Variants in TICAM1 observed in about 807,000 individuals in gnomAD.
The protein encoded by TICAM1 is TIR domain-containing adapter molecule 1.
For synonymous variants in TICAM1, 439 were observed against 415.4 expected (o/e 1.06, Z -0.69); for missense variants, 895 against 938.2 (o/e 0.95, Z 0.60).
In TICAM1 at chr19:4,816,731, C is replaced by T. The variant is rs1450809653; in HGVS notation, c.1647G>A (p.Leu549=). Residue 549 remains leucine, a synonymous_variant, in exon 2 of 2, where the codon CTG becomes CTA. Transcript: ENST00000248244. The surrounding 1 kb of genome is among the most constrained non-coding windows in gnomAD (Gnocchi z 4.3). ...CGTCCAGGTGTTGGCTCTGTTCCCG[C>T]AGGGCTCGGGTGTCCTGTTCCTTCC... The part of the protein sequence containing the change: ...MWRKEQDTRA[L]REQSQHLDGE... The T allele has an allele frequency of 1.9e-6, 3 of 1,613,984 alleles. No individual in the cohort carries two copies. Among genetic ancestry groups the T allele is most frequent in the Non-Finnish European group, 2.5e-6 (3 of 1,180,020 alleles).
chr19:4,819,189 G>A (rs191933452), intron 1 of TICAM1, among the ~76,000 whole-genome samples: 25 of 151,480 alleles, frequency 1.7e-4, no homozygotes, highest in African/African-American at 5.1e-4. Context: ...TGGGAAGATC[G>A]CTTAAGCCCA....
Position 4,826,202 on chromosome 19 carries a change from C to T in TICAM1, c.-140+5412G>A, listed in dbSNP as rs143731752. On this transcript the variant is annotated intron_variant, in intron 1 of 1. Transcript: ENST00000248244. ...AAAAAGGTATGGAAGATGCCTCATTCGTAATGGAACATTATATTGGACCAT... is the reference window on the plus strand; with the variant it reads ...AAAAAGGTATGGAAGATGCCTCATTTGTAATGGAACATTATATTGGACCAT... 3.8e-3 allele frequency among the ~76,000 whole-genome samples: 577 copies of T among 151,198 alleles called. 4 individuals are homozygous for T. The highest frequency in any genetic ancestry group is 5.3e-3 in the Non-Finnish European group (362 of 67,862).
rs150224968 is a variant in TICAM1, at chr19:4,816,586, C to A, written c.1792G>T (p.Gly598Trp). 775 of 1,613,604 alleles carry A rather than the reference C, an allele frequency of 4.8e-4. 1 individual carries two copies. Among genetic ancestry groups the A allele is most frequent in the South Asian group, 1.1e-3 (98 of 91,072 alleles). Residue 598 changes from glycine (G) to tryptophan (W), a missense_variant, in exon 2 of 2, where the codon GGG (glycine) becomes TGG (tryptophan). Gly to Trp is a radical substitution (Grantham distance 184, BLOSUM62 -2). Transcript: ENST00000248244. The surrounding 1 kb of genome is among the most constrained non-coding windows in gnomAD (Gnocchi z 4.3). ...CGAGCCCCATAGGGCGCCCCAGTCC[C>A]AAATGACATGTGGCTCCCAAAAGCC... ...QVAFGSHMSF[G>W]TGAPYGARMP...
Position 4,818,275 on chromosome 19 carries a change from G to C in TICAM1, c.103C>G (p.Pro35Ala). The change falls in exon 2 of 2, where the codon CCA becomes GCA. Residue 35 changes from proline (P) to alanine (A), a missense_variant. By Grantham distance (27) the Pro-to-Ala change is conservative. Coordinates refer to ENST00000248244, the MANE Select transcript of TICAM1 (RefSeq NM_182919.4). The surrounding 1 kb of genome is among the most constrained non-coding windows in gnomAD (Gnocchi z 4.0). ...YLKHKLKTPR[P>A]GCQGQDLLHA... ...AGGAGGTCCTGCCCCTGGCAGCCTG[G>C]GCGTGGGGTCTTCAGTTTGTGCTTC... The C allele has an allele frequency of 6.2e-7, 1 of 1,612,998 alleles. No homozygotes were observed. The highest frequency in any genetic ancestry group is 8.5e-7 in the Non-Finnish European group (1 of 1,180,012).
chr19:4,828,557 G>A (rs370723291), intron 1 of TICAM1, among the ~76,000 whole-genome samples: 256 of 147,922 alleles, frequency 1.7e-3, no homozygotes, highest in African/African-American at 6.1e-3. Flanking sequence ...TTTTTGAGAC[G>A]GAGTCCCACT....
In TICAM1 at chr19:4,816,604, C is replaced by T. The variant is rs74359855; in HGVS notation, c.1774G>A (p.Gly592Arg). 662 of 1,613,866 alleles carry T rather than the reference C, an allele frequency of 4.1e-4. 3 individuals carry two copies. Among genetic ancestry groups the T allele is most frequent in the South Asian group, 1.7e-3 (159 of 91,078 alleles). ...AQMEQLQVAFGSHMSFGTGAP... is the reference protein window; with the variant it reads ...AQMEQLQVAFRSHMSFGTGAP... ...CCAGTCCCAAATGACATGTGGCTCC[C>T]AAAAGCCACCTGGAGCTGCTCCATC... The change falls in exon 2 of 2, where the codon GGG (glycine) becomes AGG (arginine). Residue 592 changes from glycine to arginine, a missense_variant. Transcript: ENST00000248244. The surrounding 1 kb of genome is among the most constrained non-coding windows in gnomAD (Gnocchi z 4.3).
Position 4,817,560 on chromosome 19 carries a change from G to A in TICAM1, c.818C>T (p.Pro273Leu). The A allele has an allele frequency of 6.2e-7, 1 of 1,612,878 alleles. No individual in the cohort carries two copies. The highest frequency in any genetic ancestry group is 8.5e-7 in the Non-Finnish European group (1 of 1,179,642). Reference sequence around the variant, plus strand: ...ATCTGGGGCCACTTCGGGAAGCCCAGGAGGTGGGCTGCTTGGCAGCTCTGG... The same window carrying A: ...ATCTGGGGCCACTTCGGGAAGCCCAAGAGGTGGGCTGCTTGGCAGCTCTGG... Reference protein sequence around the residue: ...SPPELPSSPPPGLPEVAPDAT... With the variant: ...SPPELPSSPPLGLPEVAPDAT... The change falls in exon 2 of 2, where the codon CCT becomes CTT. Residue 273 changes from proline to leucine, a missense_variant. Transcript: ENST00000248244. The surrounding 1 kb of genome is among the most constrained non-coding windows in gnomAD (Gnocchi z 4.7).
At chr19:4,825,903 A>G (rs1325764276) in intron 1 of TICAM1, among the ~76,000 whole-genome samples, 1 of 151,984 alleles carries the variant, frequency 6.6e-6, no homozygotes, top group African/African-American at 2.4e-5. Flanking sequence ...AGGTTGCAGT[A>G]AGCCAAGATC....
At position 4,818,129 on chromosome 19, in the gene TICAM1, G is replaced by C. The variant is rs372415026; in HGVS notation, c.249C>G (p.Thr83=). Residue 83 remains threonine (T), a synonymous_variant, in exon 2 of 2, where the codon ACC becomes ACG. Coordinates refer to ENST00000248244, the MANE Select transcript of TICAM1 (RefSeq NM_182919.4). The surrounding 1 kb of genome is among the most constrained non-coding windows in gnomAD (Gnocchi z 4.0). ...VARQWAGVDS[T]EDPEEPPDVS... is the part of the protein sequence containing the mutation. Reference sequence around the variant, plus strand: ...CATCTGGGGGCTCCTCTGGGTCCTCGGTGCTGTCCACGCCAGCCCACTGGC... The same window carrying C: ...CATCTGGGGGCTCCTCTGGGTCCTCCGTGCTGTCCACGCCAGCCCACTGGC... The C allele has an allele frequency of 1.9e-6, 3 of 1,608,928 alleles. No homozygotes were observed. Among genetic ancestry groups the C allele is most frequent in the Non-Finnish European group, 2.5e-6 (3 of 1,179,704 alleles).
In TICAM1 at chr19:4,817,451, T is replaced by C. The variant is rs1555730261; in HGVS notation, c.927A>G (p.Ala309=). The C allele has an allele frequency of 1.9e-6, 3 of 1,614,064 alleles. No individual in the cohort carries two copies. The highest frequency in any genetic ancestry group is 2.5e-6 in the Non-Finnish European group (3 of 1,180,012). ...TAGGCAAGGGGAGAGACTGGGGGCC[T>C]GCAGACCCCTCGGTGCACTCCACTG... is the stretch of plus-strand genomic sequence containing the variant. The part of the protein sequence containing the change: ...NYPVECTEGS[A]GPQSLPLPIL... Residue 309 remains alanine (A), a synonymous_variant, in exon 2 of 2, where the codon GCA becomes GCG. Coordinates refer to ENST00000248244, the MANE Select transcript of TICAM1 (RefSeq NM_182919.4). The surrounding 1 kb of genome is among the most constrained non-coding windows in gnomAD (Gnocchi z 4.7).
At chr19:4,830,747 C>G (rs1038541983) in intron 1 of TICAM1, among the ~76,000 whole-genome samples, 8 of 152,294 alleles carry the variant, frequency 5.3e-5, no homozygotes, top group African/African-American at 1.9e-4. Context: ...GAGAGACTGG[C>G]TGGGAAGGGG....
chr19:4,824,225 T>C (rs1599146437), intron 1 of TICAM1, among the ~76,000 whole-genome samples: 1 of 151,924 alleles, frequency 6.6e-6, no homozygotes, highest in Non-Finnish European at 1.5e-5. Flanking sequence ...GCCAGGCTGG[T>C]CTTGAACTCC....
intron 1 of TICAM1, among the ~76,000 whole-genome samples, chr19:4,822,289 C>T (rs2093599033): frequency 6.6e-6 from 1 of 151,612 alleles, no homozygotes; most frequent in Admixed American, 6.6e-5. Context: ...GTCGCCCAGG[C>T]TGCAGTGCAG....
chr19:4,831,540 C>G (rs1311530832), intron 1 of TICAM1, 74 bp downstream of exon 1: 1 of 152,192 alleles, frequency 6.6e-6, no homozygotes, highest in Non-Finnish European at 1.5e-5. Flanking sequence ...GCGAGCGGCA[C>G]GGGCTCAGGG....
At chr19:4,820,900 AG>A (rs1432032385) in intron 1 of TICAM1, among the ~76,000 whole-genome samples, 4 of 151,580 alleles carry the variant, frequency 2.6e-5, no homozygotes, top group Admixed American at 2.0e-4. Context: ...AACAAAAAGA[AG>A]TAATTTTTAG....
intron 1 of TICAM1, among the ~76,000 whole-genome samples, chr19:4,826,591 C>T (rs2093605797): frequency 6.6e-6 from 1 of 152,164 alleles, no homozygotes; most frequent in Admixed American, 6.6e-5. Context: ...TCCCAAAGTG[C>T]TGGGATTACA....
chr19:4,822,838 C>T (rs1215501668), intron 1 of TICAM1, among the ~76,000 whole-genome samples: 1 of 152,130 alleles, frequency 6.6e-6, no homozygotes, highest in African/African-American at 2.4e-5. Context: ...GTAACTGTAA[C>T]ACCAAATGCC....
In TICAM1 at chr19:4,817,126, C is replaced by T. The variant is rs773495939; in HGVS notation, c.1252G>A (p.Ala418Thr). The T allele has an allele frequency of 1.2e-6, 2 of 1,614,186 alleles. No homozygotes were observed. The highest frequency in any genetic ancestry group is 1.1e-5 in the South Asian group (1 of 91,086). Residue 418 changes from alanine to threonine, a missense_variant, in exon 2 of 2, where the codon GCC becomes ACC. Ala to Thr is a moderately conservative substitution (Grantham distance 58, BLOSUM62 0). Coordinates refer to ENST00000248244, the MANE Select transcript of TICAM1 (RefSeq NM_182919.4). This position sits in a 1 kb window ranked among gnomAD's most constrained non-coding sequence, Gnocchi z 4.7. ...GTGGCCCCGTCGGGCACGCCAAGGG[C>T]CTCCAGCTTCTCCCGAACCCGCAGG... ...IALRVREKLE[A>T]LGVPDGATFC...
chr19:4,826,199 A>G (rs113920686), intron 1 of TICAM1, among the ~76,000 whole-genome samples: 60 of 152,002 alleles, frequency 3.9e-4, no homozygotes, highest in African/African-American at 1.4e-3. Flanking sequence ...AAGATGCCTC[A>G]TTCGTAATGG....
Sources: gnomAD v4.1 joint callset for allele counts (sites outside exome capture counted in the v4.1 genomes callset) on GRCh38, gnomAD v4.1.1 for gene constraint, Gnocchi (gnomAD v3.1) non-coding constraint, MANE v1.5 for transcripts, NCBI Gene and HGNC (gene_info 2026-07-23, HGNC 2026-07-21) for gene names.